OLA1: variants seen among roughly 807,000 people sequenced by gnomAD.
The protein encoded by OLA1 is obg-like ATPase 1.
In OLA1, 14 loss-of-function variants were observed where a neutral mutation model predicts 48.4. That is an observed-to-expected ratio of 0.29 (90% CI 0.19 to 0.45). The LOEUF is 0.45. OLA1 is among the 20% of genes least tolerant of loss of function. The probability of loss-of-function intolerance (pLI) is 1.00; values close to 1 mark genes in which losing one functional copy is unlikely to be tolerated. For missense variants in OLA1, 325 were observed against 467.1 expected (o/e 0.70, Z 2.80); for synonymous variants, 127 against 150.4 (o/e 0.84, Z 1.14).
intron 10 of OLA1, 68 bp downstream of exon 10, chr2:174,078,900 T>C: frequency 6.7e-7 from 1 of 1,481,794 alleles, no homozygotes; most frequent in Admixed American, 2.1e-5. Flanking sequence ...TTATCATTCA[T>C]TTTTATCATG....
intron 2 of OLA1, among the ~76,000 whole-genome samples, chr2:174,231,838 A>T (rs1688735320): frequency 1.3e-5 from 2 of 152,240 alleles, no homozygotes; most frequent in South Asian, 4.1e-4. Context: ...CTTCAGTGGC[A>T]ACTAAAGACA....
chr2:174,169,872 T>C (rs886995679), intron 4 of OLA1, among the ~76,000 whole-genome samples: 3 of 152,354 alleles, frequency 2.0e-5, no homozygotes, highest in Admixed American at 1.3e-4. Context: ...CATTTTTAAA[T>C]GGTTAATTTT....
At chr2:174,157,041 A>G (rs554971908) in intron 4 of OLA1, among the ~76,000 whole-genome samples, 1 of 151,804 alleles carries the variant, frequency 6.6e-6, no homozygotes, top group South Asian at 2.1e-4. Context: ...GAAAGAAAAC[A>G]AAGTAGAATT....
At chr2:174,206,159 C>A (rs113233045) in intron 4 of OLA1, among the ~76,000 whole-genome samples, 46 of 152,322 alleles carry the variant, frequency 3.0e-4, no homozygotes, top group African/African-American at 1.1e-3. Context: ...CAAGTGCCTT[C>A]ATTTTCAAAA....
chr2:174,233,527 C>T (rs1688779680), intron 2 of OLA1, among the ~76,000 whole-genome samples: 2 of 152,136 alleles, frequency 1.3e-5, no homozygotes, highest in East Asian at 3.9e-4. Context: ...GTGCATGACA[C>T]CACGGCCAGC....
chr2:174,246,475 C>T (rs1307418768), intron 2 of OLA1, among the ~76,000 whole-genome samples: 1 of 152,130 alleles, frequency 6.6e-6, no homozygotes, highest in East Asian at 1.9e-4. Context: ...AATCAATTTC[C>T]TAAAGTAGCC....
intron 8 of OLA1, among the ~76,000 whole-genome samples, chr2:174,081,481 C>T (rs1250245566): frequency 1.3e-5 from 2 of 151,784 alleles, no homozygotes; most frequent in African/African-American, 4.8e-5. Context: ...GAATTGTTTG[C>T]TATTTAAAAA....
intron 4 of OLA1, among the ~76,000 whole-genome samples, chr2:174,164,840 G>A (rs1198020735): frequency 6.6e-6 from 1 of 152,154 alleles, no homozygotes. Flanking sequence ...TTGGGCATGT[G>A]ACTTAAGCTG....
intron 4 of OLA1, among the ~76,000 whole-genome samples, chr2:174,171,343 AG>A (rs1687297060): frequency 6.6e-6 from 1 of 152,240 alleles, no homozygotes; most frequent in Non-Finnish European, 1.5e-5. Flanking sequence ...AAGAGCATGT[AG>A]TTCATTTGGC....
chr2:174,089,964 G>C (rs1685076914), intron 7 of OLA1, among the ~76,000 whole-genome samples: 1 of 151,746 alleles, frequency 6.6e-6, no homozygotes, highest in Non-Finnish European at 1.5e-5. Flanking sequence ...TCAATACCTG[G>C]GGAAACATCT....
chr2:174,074,214 G>A lies in OLA1; in HGVS notation c.*1212C>T, dbSNP rs1288231484. 6.6e-6 allele frequency: 1 copy of A among 152,194 alleles called. No individual in the cohort carries two copies. The highest frequency in any genetic ancestry group is 2.4e-5 in the African/African-American group (1 of 41,428). 9.4% of individuals were successfully genotyped at this position (152,194 alleles called of 1,614,324 possible). A position where few individuals can be genotyped will look rare whatever the true frequency, so the allele number is the denominator to read the frequency against. On this transcript the variant is annotated 3_prime_UTR_variant, in exon 11 of 11. Coordinates refer to ENST00000284719, the MANE Select transcript of OLA1 (RefSeq NM_013341.5). ...GGCTGGGTATGAATCTGCATTCCATGGAAATGGTCCTGTGATCACAGAAGA... is the reference window on the plus strand; with the variant it reads ...GGCTGGGTATGAATCTGCATTCCATAGAAATGGTCCTGTGATCACAGAAGA...
chr2:174,167,843 A>G (rs186933458), intron 4 of OLA1, among the ~76,000 whole-genome samples: 121 of 152,352 alleles, frequency 7.9e-4, no homozygotes, highest in African/African-American at 2.8e-3. Context: ...GATAAGAAGT[A>G]CTACTGACTT....
chr2:174,133,576 C>A (rs1686233681), intron 5 of OLA1, among the ~76,000 whole-genome samples: 1 of 152,002 alleles, frequency 6.6e-6, no homozygotes, highest in Non-Finnish European at 1.5e-5. Flanking sequence ...GTTTTCTTGG[C>A]CTCAAGCAAT....
At chr2:174,186,482 A>C (rs75778851) in intron 4 of OLA1, among the ~76,000 whole-genome samples, 2 of 152,102 alleles carry the variant, frequency 1.3e-5, no homozygotes, top group Non-Finnish European at 2.9e-5. Context: ...TTTATTCAGC[A>C]TCCCCAAGAG....
intron 5 of OLA1, among the ~76,000 whole-genome samples, chr2:174,125,441 T>C (rs1686026107): frequency 6.6e-6 from 1 of 152,234 alleles, no homozygotes; most frequent in African/African-American, 2.4e-5. Context: ...GCAACAAGAT[T>C]ATACAAAAGA....
chr2:174,147,272 C>T (rs996467251), intron 4 of OLA1, among the ~76,000 whole-genome samples: 2 of 151,954 alleles, frequency 1.3e-5, no homozygotes, highest in Non-Finnish European at 2.9e-5. Context: ...ACTAAAAATA[C>T]AAAACTAGCC....
intron 4 of OLA1, 76 bp from the exon 5 acceptor site, chr2:174,142,076 T>C: frequency 7.9e-7 from 1 of 1,263,260 alleles, no homozygotes; most frequent in Non-Finnish European, 1.1e-6. Context: ...GAAAGATTCC[T>C]AGAAGGTTAA....
At chr2:174,181,019 T>G (rs1368664300) in intron 4 of OLA1, among the ~76,000 whole-genome samples, 2 of 152,186 alleles carry the variant, frequency 1.3e-5, no homozygotes, top group African/African-American at 4.8e-5. Context: ...ATACAAGGAA[T>G]GTACAAGGAG....
chr2:174,126,436 GCTGTTTTGGTAA>G (rs1686045636), intron 5 of OLA1, among the ~76,000 whole-genome samples: 1 of 152,152 alleles, frequency 6.6e-6, no homozygotes, highest in East Asian at 1.9e-4. Flanking sequence ...ACTAAATTGG[GCTGTTTTGGTAA>G]CTTTAACAAA....
Sources: gnomAD v4.1 joint callset for allele counts (sites outside exome capture counted in the v4.1 genomes callset) on GRCh38, gnomAD v4.1.1 for gene constraint, MANE v1.5 for transcripts, NCBI Gene and HGNC (gene_info 2026-07-23, HGNC 2026-07-21) for gene names.